Variants in APELA observed in about 807,000 individuals in gnomAD.
APELA encodes protein Elabela.
intron 2 of APELA, among the ~76,000 whole-genome samples, chr4:164,894,466 G>A (rs1306337595): frequency 6.6e-6 from 1 of 151,068 alleles, no homozygotes; most frequent in Non-Finnish European, 1.5e-5. Flanking sequence ...ACCCAGGCTG[G>A]AGTGCAGTGG....
chr4:164,884,116 AG>A (rs1730717415), intron 2 of APELA, among the ~76,000 whole-genome samples: 4 of 27,430 alleles, frequency 1.5e-4, no homozygotes. Context: ...AAAGAAAGAA[AG>A]AAAGAGAAAG....
chr4:164,881,326 G>T (rs1351950971), intron 2 of APELA, among the ~76,000 whole-genome samples: 2 of 152,130 alleles, frequency 1.3e-5, no homozygotes, highest in African/African-American at 2.4e-5. Context: ...TTTGTAAAAG[G>T]ATAGGTAAGG....
At chr4:164,886,593 CTG>C (rs1247712149) in intron 2 of APELA, among the ~76,000 whole-genome samples, 1 of 151,954 alleles carries the variant, frequency 6.6e-6, no homozygotes, top group Non-Finnish European at 1.5e-5. Flanking sequence ...CTATAGTGAG[CTG>C]TGATCATACC....
chr4:164,879,659 G>T (rs1000036066), intron 2 of APELA, among the ~76,000 whole-genome samples: 1 of 152,144 alleles, frequency 6.6e-6, no homozygotes, highest in African/African-American at 2.4e-5. Flanking sequence ...TGCGCAGGCT[G>T]GTCTCGAACT....
chr4:164,884,131 G>C (rs868813653), intron 2 of APELA, among the ~76,000 whole-genome samples: 1,799 of 141,496 alleles, frequency 0.013, 32 homozygotes, highest in African/African-American at 0.047. Flanking sequence ...GAGAAAGAAA[G>C]AAAGAAAGAA....
chr4:164,886,992 ATT>A (rs567873636), intron 2 of APELA, among the ~76,000 whole-genome samples: 1 of 151,456 alleles, frequency 6.6e-6, no homozygotes, highest in East Asian at 1.9e-4. Context: ...GGCCTGGCTA[ATT>A]TTTTTGTATT....
chr4:164,883,393 G>A (rs890121813), intron 2 of APELA, among the ~76,000 whole-genome samples: 11 of 152,024 alleles, frequency 7.2e-5, no homozygotes, highest in Admixed American at 2.6e-4. Flanking sequence ...AAGTGAAATA[G>A]GAGGTCATTA....
chr4:164,879,709 T>C (rs2111049031), intron 2 of APELA, among the ~76,000 whole-genome samples: 1 of 152,358 alleles, frequency 6.6e-6, no homozygotes, highest in South Asian at 2.1e-4. Flanking sequence ...CCTTCCAAAG[T>C]GCTGGAATTT....
intron 2 of APELA, among the ~76,000 whole-genome samples, chr4:164,884,673 T>C (rs1730734764): frequency 6.6e-6 from 1 of 152,148 alleles, no homozygotes; most frequent in Non-Finnish European, 1.5e-5. Flanking sequence ...TTATTCTCTC[T>C]GAGCTTCCCT....
At chr4:164,897,672 C>G (rs1415282468), downstream of APELA, 1 of 152,192 alleles carries the variant, frequency 6.6e-6, no homozygotes, top group Non-Finnish European at 1.5e-5. Flanking sequence ...ACAGCCCTTA[C>G]CACTGCAGAT....
In APELA at chr4:164,897,177, T is replaced by G. The variant is rs1730993984; in HGVS notation, c.*1763T>G. The G allele has an allele frequency of 1.3e-5, 2 of 152,226 alleles. No individual in the cohort carries two copies. Among genetic ancestry groups the G allele is most frequent in the Admixed American group, 6.6e-5 (1 of 15,266 alleles). 9.4% of individuals were successfully genotyped at this position (152,226 alleles called of 1,614,324 possible). On this transcript the variant is annotated 3_prime_UTR_variant, in exon 3 of 3. Transcript: ENST00000507152. The stretch of plus-strand genomic sequence containing the variant: ...CTAAAATGAAAGGTTGGGGTTAATA[T>G]AAATGTAATTTTAAATAGAAAATCT...
chr4:164,898,510 A>C (rs1731018835), downstream of APELA, among the ~76,000 whole-genome samples: 1 of 151,896 alleles, frequency 6.6e-6, no homozygotes, highest in South Asian at 2.1e-4. Context: ...CTCAAAAAAA[A>C]AAAAAAAAAA....
At chr4:164,878,196 A>AAAAAGAAAGAAAGAAAG (rs1553970692) in intron 1 of APELA, among the ~76,000 whole-genome samples, 2 of 143,382 alleles carry the variant, frequency 1.4e-5, no homozygotes, top group African/African-American at 5.3e-5. Context: ...AGAAACAGAA[A>AAAAAGAAAGAAAGAAAG]AAAGAAAGAA....
At chr4:164,898,271 G>A (rs1731014346), downstream of APELA, among the ~76,000 whole-genome samples, 1 of 151,500 alleles carries the variant, frequency 6.6e-6, no homozygotes, top group African/African-American at 2.4e-5. Context: ...GGAGGCCGAG[G>A]ATGGTGGATC....
downstream of APELA, among the ~76,000 whole-genome samples, chr4:164,897,896 A>G (rs1290432649): frequency 6.6e-6 from 1 of 152,016 alleles, no homozygotes; most frequent in Non-Finnish European, 1.5e-5. Context: ...TATTCTTTTA[A>G]TTATCTTTCT....
rs1475087167 is a variant in APELA, at chr4:164,895,538, A to G, written c.*124A>G. The G allele has an allele frequency of 1.3e-5, 2 of 152,168 alleles. No homozygotes were observed. Among genetic ancestry groups the G allele is most frequent in the Non-Finnish European group, 2.9e-5 (2 of 68,042 alleles). 9.4% of individuals were successfully genotyped at this position (152,168 alleles called of 1,614,324 possible). On this transcript the variant is annotated 3_prime_UTR_variant, in exon 3 of 3. Transcript: ENST00000507152. ...GATTGCTTAGAAGTTCCTACACAAA[A>G]AAAGGATCATTTGAAAGCACCTGGA...
intron 2 of APELA, among the ~76,000 whole-genome samples, chr4:164,881,915 T>C (rs185080681): frequency 0.019 from 2,808 of 150,416 alleles, 82 homozygotes; most frequent in African/African-American, 0.064. Context: ...GGCGTGTGCC[T>C]CTAGTCCTAG....
chr4:164,883,916 TAA>T (rs35518678), intron 2 of APELA, among the ~76,000 whole-genome samples: 18,615 of 133,348 alleles, frequency 0.14, 1,329 homozygotes, highest in Non-Finnish European at 0.18. Flanking sequence ...TATTTTGTCT[TAA>T]AAAAAAAAAA....
chr4:164,888,086 C>A (rs1487621372), intron 2 of APELA, among the ~76,000 whole-genome samples: 1 of 152,132 alleles, frequency 6.6e-6, no homozygotes, highest in Admixed American at 6.6e-5. Flanking sequence ...TTGTACCCTG[C>A]AAGGTATAAT....
Sources: gnomAD v4.1 joint callset for allele counts (sites outside exome capture counted in the v4.1 genomes callset) on GRCh38, gnomAD v4.1.1 for gene constraint, MANE v1.5 for transcripts, NCBI Gene and HGNC (gene_info 2026-07-23, HGNC 2026-07-21) for gene names.